Variants in HS6ST3 observed in about 807,000 individuals in gnomAD.
HS6ST3 encodes the protein heparan sulfate 6-O-sulfotransferase 3.
A neutral mutation model predicts 36.7 loss-of-function variants in HS6ST3; 12 were observed. The ratio of observed to expected loss-of-function variants is 0.33; its 90% CI spans 0.21 to 0.53. The LOEUF is 0.53. HS6ST3 is among the 20% of genes least tolerant of loss of function. HS6ST3 has a pLI of 0.95. For missense variants in HS6ST3, 584 were observed against 640.9 expected (o/e 0.91, Z 0.96); for synonymous variants, 240 against 257.5 (o/e 0.93, Z 0.65).
At chr13:96,324,602 G>A (rs2055021037) in intron 1 of HS6ST3, among the ~76,000 whole-genome samples, 1 of 152,186 alleles carries the variant, frequency 6.6e-6, no homozygotes, top group Admixed American at 6.5e-5. Context: ...ACCTTATTTG[G>A]AAATAGGGTC....
At chr13:96,264,966 C>A (rs977978011) in intron 1 of HS6ST3, among the ~76,000 whole-genome samples, 1 of 152,198 alleles carries the variant, frequency 6.6e-6, no homozygotes, top group African/African-American at 2.4e-5. Context: ...GTATCAAATT[C>A]CCAACCCAAA....
chr13:96,556,227 T>C (rs769069733), intron 1 of HS6ST3, among the ~76,000 whole-genome samples: 1 of 152,178 alleles, frequency 6.6e-6, no homozygotes, highest in Non-Finnish European at 1.5e-5. Context: ...GGGCTTTCCT[T>C]GGTATTAGAA....
intron 1 of HS6ST3, among the ~76,000 whole-genome samples, chr13:96,585,683 C>G (rs1382917327): frequency 1.3e-5 from 2 of 152,146 alleles, no homozygotes; most frequent in Non-Finnish European, 2.9e-5. Flanking sequence ...TTTTTGGTTC[C>G]ACATGTAAGT....
chr13:96,543,889 AT>A (rs1034104738), intron 1 of HS6ST3, among the ~76,000 whole-genome samples: 3 of 151,284 alleles, frequency 2.0e-5, no homozygotes, highest in African/African-American at 2.4e-5. Context: ...ACAGAATCAA[AT>A]TTTTTTTTCT....
At chr13:96,589,005 A>G (rs1172043171) in intron 1 of HS6ST3, among the ~76,000 whole-genome samples, 1 of 149,818 alleles carries the variant, frequency 6.7e-6, no homozygotes, top group Non-Finnish European at 1.5e-5. Flanking sequence ...GAGCCAAGAT[A>G]GCACCACTGC....
chr13:96,285,741 A>G lies in HS6ST3; in HGVS notation c.707+194172A>G, dbSNP rs562781654. On this transcript the variant is annotated intron_variant, in intron 1 of 1. Coordinates refer to ENST00000376705, the MANE Select transcript of HS6ST3 (RefSeq NM_153456.4). ...AACTTATCTCAAATTGGTTTAAGCA[A>G]AAAGGGGAATTTCTGTGCTCGCATA... 5.3e-5 allele frequency among the ~76,000 whole-genome samples: 8 copies of G among 152,286 alleles called. No individual in the cohort carries two copies. In the South Asian group the frequency reaches 1.7e-3, roughly 32 times the overall value.
rs766378075 is a variant in HS6ST3, at chr13:96,275,855, CT to C, written c.707+184301del. Among the ~76,000 whole-genome samples the C allele has an allele frequency of 7.1e-3, 1,016 of 142,558 alleles. 7 individuals carry two copies. The highest frequency in any genetic ancestry group is 0.02 in the African/African-American group (790 of 38,550). The allele number at this position is 142,558 out of a possible 152,430, so 93.5% of individuals were successfully genotyped here. ...TACCATTCTTCTTCTCTCTGTCTCT[CT>C]TTTTTTTTTTTTTTGGTGGTGGTGG... On this transcript the variant is annotated intron_variant, in intron 1 of 1. Coordinates refer to ENST00000376705, the MANE Select transcript of HS6ST3 (RefSeq NM_153456.4).
At chr13:96,752,620 T>A (rs893696379) in intron 1 of HS6ST3, among the ~76,000 whole-genome samples, 1 of 152,210 alleles carries the variant, frequency 6.6e-6, no homozygotes, top group East Asian at 1.9e-4. Flanking sequence ...GACCTATTCA[T>A]GTCTTCTGTT....
intron 1 of HS6ST3, among the ~76,000 whole-genome samples, chr13:96,290,161 T>G (rs201178015): frequency 1.5e-5 from 2 of 135,820 alleles, no homozygotes; most frequent in Non-Finnish European, 3.2e-5. Flanking sequence ...ATGCTCCCCC[T>G]GATGCCAGTT....
At chr13:96,283,893 G>A (rs769743178) in intron 1 of HS6ST3, among the ~76,000 whole-genome samples, 8 of 152,092 alleles carry the variant, frequency 5.3e-5, no homozygotes, top group South Asian at 4.1e-4. Context: ...TCTGGCTTGC[G>A]GGTCACCCTT....
intron 1 of HS6ST3, among the ~76,000 whole-genome samples, chr13:96,562,212 A>G (rs567724018): frequency 5.5e-4 from 84 of 152,232 alleles, no homozygotes; most frequent in Non-Finnish European, 1.1e-3. Context: ...GAATGAAATC[A>G]TGTTCTTTGC....
chr13:96,458,236 A>G (rs868085285), intron 1 of HS6ST3, among the ~76,000 whole-genome samples: 3 of 152,154 alleles, frequency 2.0e-5, no homozygotes, highest in Non-Finnish European at 2.9e-5. Flanking sequence ...TCAAGAATAT[A>G]CTGGATATTA....
intron 1 of HS6ST3, among the ~76,000 whole-genome samples, chr13:96,278,647 C>T (rs867136186): frequency 1.3e-5 from 2 of 152,138 alleles, no homozygotes; most frequent in Non-Finnish European, 2.9e-5. Flanking sequence ...TTTGAAGTTT[C>T]GCATCAACTG....
chr13:96,317,338 A>AAT (rs1366795831), intron 1 of HS6ST3, among the ~76,000 whole-genome samples: 1 of 21,692 alleles, frequency 4.6e-5, no homozygotes, highest in South Asian at 2.3e-3. Flanking sequence ...ATATATATAT[A>AAT]TATATATATA....
intron 1 of HS6ST3, among the ~76,000 whole-genome samples, chr13:96,803,895 A>T (rs1001369061): frequency 1.5e-4 from 23 of 152,116 alleles, no homozygotes; most frequent in African/African-American, 5.1e-4. Context: ...TGCAAAAAAG[A>T]CATTTCTAAC....
chr13:96,270,438 A>G (rs1413626656), intron 1 of HS6ST3, among the ~76,000 whole-genome samples: 4 of 152,028 alleles, frequency 2.6e-5, no homozygotes, highest in South Asian at 2.1e-4. Context: ...AGTTATCATT[A>G]GTGATTATAC....
intron 1 of HS6ST3, among the ~76,000 whole-genome samples, chr13:96,145,656 A>G (rs1484166014): frequency 6.6e-6 from 1 of 152,036 alleles, no homozygotes; most frequent in African/African-American, 2.4e-5. Context: ...TCTTTAGTTT[A>G]ATTAGATCCC....
intron 1 of HS6ST3, among the ~76,000 whole-genome samples, chr13:96,209,575 C>CA (rs936421341): frequency 1.3e-5 from 2 of 152,044 alleles, no homozygotes; most frequent in Admixed American, 6.6e-5. Flanking sequence ...AATTTCTAGT[C>CA]AAAAAAATAA....
At chr13:96,216,953 C>T (rs758088017) in intron 1 of HS6ST3, among the ~76,000 whole-genome samples, 15 of 152,192 alleles carry the variant, frequency 9.9e-5, no homozygotes, top group East Asian at 3.9e-4. Flanking sequence ...CTGCTCCTTC[C>T]GATTCCTGAT....
Sources: gnomAD v4.1 joint callset for allele counts (sites outside exome capture counted in the v4.1 genomes callset) on GRCh38, gnomAD v4.1.1 for gene constraint, MANE v1.5 for transcripts, NCBI Gene and HGNC (gene_info 2026-07-23, HGNC 2026-07-21) for gene names.